EML6: variants seen among roughly 807,000 people sequenced by gnomAD.
The protein encoded by EML6 is EMAP like 6, also known as echinoderm microtubule-associated protein-like 6.
Under a neutral mutation model 240.1 loss-of-function variants are expected in EML6, and 154 were observed. The ratio of observed to expected loss-of-function variants is 0.64; its 90% confidence interval spans 0.56 to 0.73. The LOEUF (loss-of-function observed/expected upper bound fraction) is 0.73. EML6 is among the 30% of genes least tolerant of loss of function. The probability of loss-of-function intolerance (pLI) is 0.00; values close to 1 mark genes in which losing one functional copy is unlikely to be tolerated. For missense variants in EML6, 2,964 were observed against 2,474.6 expected, an observed-to-expected ratio of 1.20 and a Z score of -4.20; for synonymous variants, 1,148 against 899.0, an observed-to-expected ratio of 1.28 and a Z score of -4.95.
At chr2:54,806,743 T>C (rs2578708) in intron 2 of EML6, among the ~76,000 whole-genome samples, 1 of 151,828 alleles carries the variant, frequency 6.6e-6, no homozygotes, top group Admixed American at 6.6e-5. Context: ...AGGTTTTAAG[T>C]GCTACTGTTT....
chr2:54,885,813 G>A (rs375834432), intron 17 of EML6, among the ~76,000 whole-genome samples: 36 of 151,786 alleles, frequency 2.4e-4, no homozygotes, highest in South Asian at 6.2e-4. Context: ...GGGTTTCACC[G>A]TGTTAGCCAG....
At chr2:54,933,541 C>T (rs1443535611) in intron 28 of EML6, among the ~76,000 whole-genome samples, 2 of 152,082 alleles carry the variant, frequency 1.3e-5, no homozygotes, top group East Asian at 1.9e-4. Context: ...CAAGACCAGC[C>T]TAGGAAACAT....
intron 28 of EML6, among the ~76,000 whole-genome samples, chr2:54,943,680 G>T: frequency 6.6e-6 from 1 of 152,082 alleles, no homozygotes; most frequent in East Asian, 1.9e-4. Context: ...GCATTGTCCA[G>T]TAGAAATATG....
intron 2 of EML6, among the ~76,000 whole-genome samples, chr2:54,740,489 A>G (rs1215201999): frequency 6.6e-6 from 1 of 152,188 alleles, no homozygotes; most frequent in Non-Finnish European, 1.5e-5. Flanking sequence ...TTTACTACAT[A>G]AACACTGGGA....
intron 17 of EML6, chr2:54,881,359 T>A (rs1286886629): frequency 6.6e-6 from 1 of 152,066 alleles, no homozygotes; most frequent in Non-Finnish European, 1.5e-5. Flanking sequence ...AGATAGAAAC[T>A]TTTAAAAACA....
chr2:54,935,260 C>T (rs1396477521), intron 28 of EML6, among the ~76,000 whole-genome samples: 1 of 152,106 alleles, frequency 6.6e-6, no homozygotes, highest in South Asian at 2.1e-4. Context: ...GTGTTCCTGT[C>T]CTGTGAATGG....
intron 3 of EML6, among the ~76,000 whole-genome samples, chr2:54,814,925 G>T (rs1394348150): frequency 6.6e-6 from 1 of 152,138 alleles, no homozygotes; most frequent in East Asian, 1.9e-4. Context: ...GATAATAGCT[G>T]GATGCTAGTA....
In EML6 at chr2:54,863,777, C is replaced by G; in HGVS notation, c.1826-6C>G. The G allele has an allele frequency of 3.3e-6, 5 of 1,501,178 alleles. No homozygotes were observed. The highest frequency in any genetic ancestry group is 3.6e-6 in the Non-Finnish European group (4 of 1,103,758). 93.0% of individuals were successfully genotyped at this position (1,501,178 alleles called of 1,614,324 possible). On this transcript the variant is annotated splice_polypyrimidine_tract_variant and splice_region_variant and intron_variant, in intron 12 of 41. Coordinates refer to ENST00000356458, the MANE Select transcript of EML6 (RefSeq NM_001039753.4). ...TGCTTGTTTCTTGTGGGTTGTATCTCTGCAGAAGGTGGAGCTGATTCCTAC... is the reference window on the plus strand; with the variant it reads ...TGCTTGTTTCTTGTGGGTTGTATCTGTGCAGAAGGTGGAGCTGATTCCTAC...
chr2:54,830,824 C>A (rs930185), intron 7 of EML6, among the ~76,000 whole-genome samples: 2 of 152,060 alleles, frequency 1.3e-5, no homozygotes, highest in African/African-American at 4.8e-5. Context: ...AAATGTGCAT[C>A]TAAGTCAACT....
intron 2 of EML6, among the ~76,000 whole-genome samples, chr2:54,789,682 C>G (rs1669320637): frequency 1.3e-5 from 2 of 152,118 alleles, no homozygotes; most frequent in African/African-American, 4.8e-5. Context: ...GCTTTACAAA[C>G]TCTACCTTAT....
At chr2:54,738,598 C>G (rs1229153482) in intron 2 of EML6, among the ~76,000 whole-genome samples, 1 of 152,194 alleles carries the variant, frequency 6.6e-6, no homozygotes, top group Non-Finnish European at 1.5e-5. Flanking sequence ...AAGGTGACCT[C>G]CATCCTCACT....
intron 2 of EML6, among the ~76,000 whole-genome samples, chr2:54,745,826 C>G (rs1683886776): frequency 6.6e-6 from 1 of 152,124 alleles, no homozygotes; most frequent in Non-Finnish European, 1.5e-5. Flanking sequence ...ACATCCTTCC[C>G]TTTAACTACT....
In EML6 at chr2:54,770,505, G is replaced by A. The variant is rs555504714; in HGVS notation, c.198-42727G>A. ...TGGCTTCTGTAATAGAGAAACCACA[G>A]TATTTCTTAGGGAGACTTGTTAGCA... On this transcript the variant is annotated intron_variant, in intron 2 of 41. Coordinates refer to ENST00000356458, the MANE Select transcript of EML6 (RefSeq NM_001039753.4). Among the ~76,000 whole-genome samples, 5 of 152,292 alleles carry A rather than the reference G, an allele frequency of 3.3e-5. No homozygotes were observed. In the South Asian group the frequency reaches 1.0e-3, roughly 32 times the overall value.
intron 5 of EML6, among the ~76,000 whole-genome samples, chr2:54,822,150 C>G (rs1203636164): frequency 6.6e-6 from 1 of 151,986 alleles, no homozygotes; most frequent in Non-Finnish European, 1.5e-5. Flanking sequence ...GGCCAATAGA[C>G]TTATGAAAAT....
At chr2:54,945,485 TCACACC>T (rs748451792) in intron 28 of EML6, among the ~76,000 whole-genome samples, 95 of 152,078 alleles carry the variant, frequency 6.2e-4, no homozygotes, top group African/African-American at 2.2e-3. Context: ...TTCCCCACAC[TCACACC>T]CACACCCACA....
intron 2 of EML6, among the ~76,000 whole-genome samples, chr2:54,804,931 G>T (rs539622379): frequency 3.4e-4 from 52 of 152,170 alleles, no homozygotes; most frequent in South Asian, 8.3e-4. Flanking sequence ...CTCCCTGAGG[G>T]TTATTTTATT....
intron 15 of EML6, among the ~76,000 whole-genome samples, chr2:54,871,006 A>G (rs1262797737): frequency 6.6e-6 from 1 of 152,214 alleles, no homozygotes; most frequent in Non-Finnish European, 1.5e-5. Flanking sequence ...TGCAAAGATA[A>G]TCCACCTTAC....
At chr2:54,834,542 C>A (rs556356989) in intron 7 of EML6, among the ~76,000 whole-genome samples, 1 of 152,184 alleles carries the variant, frequency 6.6e-6, no homozygotes, top group African/African-American at 2.4e-5. Context: ...GTGCCAGATA[C>A]GTGCCTAGGA....
intron 2 of EML6, among the ~76,000 whole-genome samples, chr2:54,800,081 C>T (rs1187470275): frequency 6.6e-6 from 1 of 151,952 alleles, no homozygotes; most frequent in Non-Finnish European, 1.5e-5. Context: ...CCCGTCTCTA[C>T]TAAAATTACA....
Sources: gnomAD v4.1 joint callset for allele counts (sites outside exome capture counted in the v4.1 genomes callset) on GRCh38, gnomAD v4.1.1 for gene constraint, MANE v1.5 for transcripts, NCBI Gene and HGNC (gene_info 2026-07-23, HGNC 2026-07-21) for gene names.